Variants in C16orf74 observed in about 807,000 individuals in gnomAD.
C16orf74 encodes the protein calcimembrin, also known as uncharacterized protein C16orf74.
Under a neutral mutation model 6.5 loss-of-function variants are expected in C16orf74, and 10 were observed. The ratio of observed to expected loss-of-function variants is 1.54; its 90% CI spans 0.95 to 2.61. The LOEUF is 2.61. Ranked by LOEUF, C16orf74 falls within the 30% of genes most tolerant of loss-of-function variation. The pLI is 0.00. For missense variants in C16orf74, 141 were observed against 105.9 expected (o/e 1.33, Z -1.45); for synonymous variants, 60 against 42.5 (o/e 1.41, Z -1.60).
At chr16:85,718,405 C>T (rs368666706) in intron 2 of C16orf74, among the ~76,000 whole-genome samples, 95 of 152,194 alleles carry the variant, frequency 6.2e-4, no homozygotes, top group African/African-American at 2.0e-3. Flanking sequence ...GCACCCCAGA[C>T]GTTTCACTTG....
chr16:85,713,257 T>G (rs1248320447), intron 2 of C16orf74, among the ~76,000 whole-genome samples: 1 of 152,070 alleles, frequency 6.6e-6, no homozygotes, highest in South Asian at 2.1e-4. Flanking sequence ...CCCTGCGTCT[T>G]GTCTCTGTCC....
intron 2 of C16orf74, among the ~76,000 whole-genome samples, chr16:85,730,530 C>A (rs886771151): frequency 1.5e-5 from 2 of 131,580 alleles, no homozygotes; most frequent in East Asian, 4.5e-4. Flanking sequence ...GCCGAGGGAA[C>A]CCCCAGACCA....
intron 2 of C16orf74, among the ~76,000 whole-genome samples, chr16:85,727,875 A>G (rs2152062138): frequency 6.6e-6 from 1 of 150,772 alleles, no homozygotes; most frequent in Admixed American, 6.7e-5. Context: ...GCGGTGGCTC[A>G]TGCCTGAAAT....
chr16:85,725,903 T>C (rs763265428), intron 2 of C16orf74, among the ~76,000 whole-genome samples: 1 of 152,142 alleles, frequency 6.6e-6, no homozygotes, highest in Non-Finnish European at 1.5e-5. Context: ...CCTGTATTAC[T>C]CTGAAGTTCT....
chr16:85,746,184 T>C (rs11117297), intron 1 of C16orf74, among the ~76,000 whole-genome samples: 79,598 of 151,814 alleles, frequency 0.52, 21,194 homozygotes, highest in East Asian at 0.79. Flanking sequence ...ACCCCGTCTC[T>C]ACTAAAAATA....
intron 1 of C16orf74, among the ~76,000 whole-genome samples, chr16:85,738,321 T>C (rs1335765590): frequency 1.4e-5 from 2 of 139,904 alleles, no homozygotes; most frequent in African/African-American, 2.8e-5. Context: ...GTGGCTGGCA[T>C]TGGGATTTTT....
At chr16:85,726,534 G>A (rs534719167) in intron 2 of C16orf74, among the ~76,000 whole-genome samples, 1 of 152,244 alleles carries the variant, frequency 6.6e-6, no homozygotes, top group East Asian at 1.9e-4. Flanking sequence ...ATCCCCGCAG[G>A]CAGGAGCCTG....
At chr16:85,741,254 G>A (rs971422420) in intron 1 of C16orf74, among the ~76,000 whole-genome samples, 2 of 152,190 alleles carry the variant, frequency 1.3e-5, no homozygotes, top group African/African-American at 2.4e-5. Context: ...GCCAGGCTCT[G>A]GCCGAGCAAA....
intron 2 of C16orf74, among the ~76,000 whole-genome samples, chr16:85,720,279 C>G (rs2054069488): frequency 6.6e-6 from 1 of 152,162 alleles, no homozygotes; most frequent in Admixed American, 6.5e-5. Context: ...CTTCGACACA[C>G]CAAGGTGGGG....
At chr16:85,710,106 C>G in intron 3 of C16orf74, 58 bp downstream of exon 3, 1 of 1,349,190 alleles carries the variant, frequency 7.4e-7, no homozygotes, top group Non-Finnish European at 9.5e-7. Flanking sequence ...CCCCTGAGAG[C>G]TGTCTCCACC....
rs376183802 is a variant in C16orf74 at position 85,735,221 on chromosome 16, G to C, written c.-4C>G. 2 of 1,597,826 alleles carry C rather than the reference G, an allele frequency of 1.3e-6. No homozygotes were observed. Among genetic ancestry groups the C allele is most frequent in the Non-Finnish European group, 1.7e-6 (2 of 1,171,930 alleles). The stretch of plus-strand genomic sequence containing the variant: ...GGCAGGACATCTTAAGCCCCATGTC[G>C]GCACCTCTGCAGGCCTGTGGAGAGA... On this transcript the variant is annotated 5_prime_UTR_variant, in exon 2 of 4. Transcript: ENST00000284245.
chr16:85,725,222 G>A (rs2054121679), intron 2 of C16orf74, among the ~76,000 whole-genome samples: 1 of 152,208 alleles, frequency 6.6e-6, no homozygotes, highest in South Asian at 2.1e-4. Flanking sequence ...AGGCTGGAGT[G>A]GGGTGTCTCT....
At chr16:85,724,036 C>T (rs1427666656) in intron 2 of C16orf74, among the ~76,000 whole-genome samples, 1 of 152,006 alleles carries the variant, frequency 6.6e-6, no homozygotes, top group East Asian at 1.9e-4. Context: ...GACAGGGTCT[C>T]ACTCTGTTGC....
rs534035025 is a variant in C16orf74 at position 85,743,880 on chromosome 16, C to A, written c.-19+7046G>T. ...AATCCTGGCTAACACAGTGAAACCCCGTCTCTACTAAAAATACAAAAAAAT... is the reference window on the plus strand; with the variant it reads ...AATCCTGGCTAACACAGTGAAACCCAGTCTCTACTAAAAATACAAAAAAAT... On this transcript the variant is annotated intron_variant, in intron 1 of 3. Coordinates refer to ENST00000284245, the MANE Select transcript of C16orf74 (RefSeq NM_206967.3). 6.1e-4 allele frequency among the ~76,000 whole-genome samples: 93 copies of A among 152,022 alleles called. 1 individual carries two copies. In the South Asian group the frequency reaches 0.019, roughly 31 times the overall value.
At chr16:85,742,479 G>C (rs1017177301) in intron 1 of C16orf74, among the ~76,000 whole-genome samples, 3 of 152,234 alleles carry the variant, frequency 2.0e-5, no homozygotes, top group Admixed American at 2.0e-4. Context: ...AGTGGAAGCA[G>C]CCTGAGGCCC....
intron 2 of C16orf74, among the ~76,000 whole-genome samples, chr16:85,716,498 G>A (rs1188487547): frequency 7.0e-6 from 1 of 142,806 alleles, no homozygotes; most frequent in Non-Finnish European, 1.5e-5. Context: ...ACGAAGGAGA[G>A]GAGGAAGGGA....
intron 1 of C16orf74, among the ~76,000 whole-genome samples, chr16:85,737,151 G>C (rs148289932): frequency 6.6e-6 from 1 of 152,186 alleles, no homozygotes; most frequent in East Asian, 1.9e-4. Context: ...GGAGAAGTCC[G>C]AACAATGTCA....
chr16:85,733,023 T>C (rs1206815778), intron 2 of C16orf74, among the ~76,000 whole-genome samples: 1 of 151,988 alleles, frequency 6.6e-6, no homozygotes, highest in Non-Finnish European at 1.5e-5. Flanking sequence ...ATCTGCAGGG[T>C]CTTGGTCTAC....
intron 1 of C16orf74, among the ~76,000 whole-genome samples, chr16:85,742,938 T>A (rs2054326342): frequency 6.6e-6 from 1 of 152,224 alleles, no homozygotes. Flanking sequence ...GTTGTCATCC[T>A]TGTCACTGTC....
Sources: gnomAD v4.1 joint callset for allele counts (sites outside exome capture counted in the v4.1 genomes callset) on GRCh38, gnomAD v4.1.1 for gene constraint, MANE v1.5 for transcripts, NCBI Gene and HGNC (gene_info 2026-07-23, HGNC 2026-07-21) for gene names.